Variants in MPHOSPH9 observed in about 807,000 individuals in gnomAD.
MPHOSPH9 encodes M-phase phosphoprotein 9.
Under a neutral mutation model 145.5 loss-of-function variants are expected in MPHOSPH9, and 88 were observed. The ratio of observed to expected loss-of-function variants is 0.60; its 90% CI spans 0.51 to 0.72. The LOEUF (loss-of-function observed/expected upper bound fraction) is 0.72. Ranked by LOEUF, MPHOSPH9 falls within the 30% of genes least tolerant of loss-of-function variation. The probability of loss-of-function intolerance (pLI) is 0.00; values close to 1 mark genes in which losing one functional copy is unlikely to be tolerated. For missense variants in MPHOSPH9, 1,238 were observed against 1,386.6 expected (o/e 0.89, Z 1.70); for synonymous variants, 435 against 486.2 (o/e 0.89, Z 1.39).
chr12:123,234,585 C>T (rs1310343917), upstream of MPHOSPH9, among the ~76,000 whole-genome samples: 1 of 151,904 alleles, frequency 6.6e-6, no homozygotes, highest in African/African-American at 2.4e-5. Flanking sequence ...TTAGTAGAGA[C>T]GGGGTTTTGC....
rs2137918062 is a variant in MPHOSPH9, at chr12:123,165,531, G to GC, written c.2592-55dup. On this transcript the variant is annotated intron_variant, in intron 17 of 23. Transcript: ENST00000606320. ...GCTATGGACTAAATGTCTGTATCTTGCCCCCCGCCCCCACACCAAACATAC... is the reference window on the plus strand; with the variant it reads ...GCTATGGACTAAATGTCTGTATCTTGCCCCCCCGCCCCCACACCAAACATAC... 22 of 1,455,372 alleles carry GC rather than the reference G, an allele frequency of 1.5e-5. No homozygotes were observed. The South Asian group carries it at 1.5e-4, about 10-fold the overall frequency. The allele number at this position is 1,455,372 out of a possible 1,614,324, so 90.2% of individuals were successfully genotyped here.
chr12:123,199,788 C>CAAA (rs760965085), intron 11 of MPHOSPH9, among the ~76,000 whole-genome samples: 1 of 83,484 alleles, frequency 1.2e-5, no homozygotes. Flanking sequence ...GACTCCATCT[C>CAAA]AAAAAAAAAA....
chr12:123,196,976 T>C (rs966917370), intron 12 of MPHOSPH9, among the ~76,000 whole-genome samples: 15 of 147,818 alleles, frequency 1.0e-4, no homozygotes, highest in African/African-American at 3.5e-4. Flanking sequence ...AACTGAGTAG[T>C]GGTTGCCAGG....
chr12:123,189,550 G>A (rs1197210515), intron 13 of MPHOSPH9, among the ~76,000 whole-genome samples: 2 of 152,114 alleles, frequency 1.3e-5, no homozygotes, highest in African/African-American at 2.4e-5. Flanking sequence ...CATGATGGAC[G>A]ACACAGGAAT....
chr12:123,162,664 T>G (rs1443587159), intron 20 of MPHOSPH9: 2 of 206,114 alleles, frequency 9.7e-6, no homozygotes, highest in East Asian at 1.3e-4. Context: ...ATGCATTTGG[T>G]GCCAGGGCCA....
At position 123,162,228 on chromosome 12, in the gene MPHOSPH9, G is replaced by A. The variant is rs1421496688; in HGVS notation, c.3030-10C>T. 4 of 1,417,172 alleles carry A rather than the reference G, an allele frequency of 2.8e-6. No homozygotes were observed. The Admixed American group carries it at 8.6e-5, about 30-fold the overall frequency. 87.8% of individuals were successfully genotyped at this position (1,417,172 alleles called of 1,614,324 possible). Reference sequence around the variant, plus strand: ...CAAAAGTATATCAAATCTATTGAATGAAGCAAGTTACTTGTGAGAAAAAAA... The same window carrying A: ...CAAAAGTATATCAAATCTATTGAATAAAGCAAGTTACTTGTGAGAAAAAAA... On this transcript the variant is annotated splice_polypyrimidine_tract_variant and intron_variant, in intron 20 of 23. Coordinates refer to ENST00000606320, the MANE Select transcript of MPHOSPH9 (RefSeq NM_022782.4).
chr12:123,241,493 C>G (rs144761997), intron 1 of MPHOSPH9, among the ~76,000 whole-genome samples: 5 of 151,966 alleles, frequency 3.3e-5, no homozygotes, highest in Non-Finnish European at 7.4e-5. Flanking sequence ...TGCCCACTAC[C>G]ACCCCCAGCT....
Position 123,176,708 on chromosome 12 carries a change from G to A in MPHOSPH9, c.2436C>T (p.His812=), listed in dbSNP as rs747272409. The part of the protein sequence containing the change: ...MLSLRHNSRI[H]VRPSRANTLA... ...CTTACTTGGCACGCGAGGGTCTCAC[G>A]TGAATTCTAGAATTATGACGAAGGC... is the stretch of plus-strand genomic sequence containing the variant. The change falls in exon 16 of 24, where the codon CAC becomes CAT. Residue 812 remains histidine, a synonymous_variant. Coordinates refer to ENST00000606320, the MANE Select transcript of MPHOSPH9 (RefSeq NM_022782.4). 6.8e-6 allele frequency: 11 copies of A among 1,613,548 alleles called. No individual in the cohort carries two copies. Among genetic ancestry groups the A allele is most frequent in the African/African-American group, 2.7e-5 (2 of 75,032 alleles).
intron 15 of MPHOSPH9, among the ~76,000 whole-genome samples, chr12:123,178,266 C>T (rs151246047): frequency 3.3e-5 from 5 of 152,338 alleles, no homozygotes; most frequent in Admixed American, 1.3e-4. Flanking sequence ...TTCTTACCTA[C>T]TTTGATGCAA....
At chr12:123,157,202 G>A (rs573707842) in intron 23 of MPHOSPH9, among the ~76,000 whole-genome samples, 31 of 152,028 alleles carry the variant, frequency 2.0e-4, no homozygotes, top group African/African-American at 7.0e-4. Flanking sequence ...TAATTCTTTG[G>A]CTCTGCTGAA....
At chr12:123,221,931 T>C (rs1475764947) in intron 4 of MPHOSPH9, 36 bp from the exon 5 acceptor site, 2 of 1,083,574 alleles carry the variant, frequency 1.8e-6, no homozygotes, top group East Asian at 2.6e-5. Flanking sequence ...GGTAAGAAAG[T>C]ATATTAAACA....
intron 8 of MPHOSPH9, among the ~76,000 whole-genome samples, chr12:123,203,912 C>T (rs1378019101): frequency 6.6e-6 from 1 of 152,118 alleles, no homozygotes; most frequent in Non-Finnish European, 1.5e-5. Flanking sequence ...GTCTCAAACT[C>T]CTGAGCTCAA....
chr12:123,210,917 T>C (rs1390772749), intron 7 of MPHOSPH9, among the ~76,000 whole-genome samples: 3 of 149,932 alleles, frequency 2.0e-5, no homozygotes, highest in Non-Finnish European at 4.4e-5. Context: ...CTCAGCCTCC[T>C]GAGTAGCTGG....
At chr12:123,217,013 A>C (rs2046996287) in intron 6 of MPHOSPH9, among the ~76,000 whole-genome samples, 1 of 151,872 alleles carries the variant, frequency 6.6e-6, no homozygotes, top group Non-Finnish European at 1.5e-5. Context: ...ATAAATAAAT[A>C]AATAAATAAA....
At chr12:123,227,428 T>C (rs2047475650) in intron 3 of MPHOSPH9, 35 bp downstream of exon 3, 3 of 1,395,918 alleles carry the variant, frequency 2.1e-6, no homozygotes, top group African/African-American at 1.4e-5. Flanking sequence ...AACATAATTA[T>C]TTTAAAATTC....
intron 6 of MPHOSPH9, among the ~76,000 whole-genome samples, chr12:123,216,557 T>C (rs1036954452): frequency 1.3e-5 from 2 of 152,108 alleles, no homozygotes; most frequent in Non-Finnish European, 2.9e-5. Context: ...ACAGGCATAT[T>C]AAAAATTATC....
intron 23 of MPHOSPH9, among the ~76,000 whole-genome samples, chr12:123,158,906 C>A (rs12311134): frequency 0.014 from 2,117 of 152,244 alleles, 38 homozygotes; most frequent in South Asian, 0.056. Flanking sequence ...GCTGAGATTA[C>A]AGGCATGAGC....
chr12:123,163,175 T>C, intron 19 of MPHOSPH9, 41 bp from the exon 20 acceptor site: 3 of 1,528,880 alleles, frequency 2.0e-6, no homozygotes, highest in Non-Finnish European at 1.8e-6. Context: ...TTTCCTTCTA[T>C]ATGTATCAGC....
upstream of MPHOSPH9, among the ~76,000 whole-genome samples, chr12:123,235,449 C>T (rs1312176145): frequency 6.6e-6 from 1 of 152,032 alleles, no homozygotes; most frequent in Non-Finnish European, 1.5e-5. Context: ...ACTGCAAGCT[C>T]CGCCCCCCAG....
Sources: allele counts gnomAD v4.1 joint callset (sites outside exome capture counted in the v4.1 genomes callset), GRCh38; gene constraint gnomAD v4.1.1; transcripts MANE v1.5; gene names NCBI Gene and HGNC (gene_info 2026-07-23, HGNC 2026-07-21).